Variants in TSHZ2 observed in about 807,000 individuals in gnomAD.
TSHZ2 encodes the protein teashirt zinc finger homeobox 2.
TSHZ2 carries 21 observed loss-of-function variants against 74.4 expected under a neutral mutation model. The ratio of observed to expected loss-of-function variants is 0.28; its 90% CI spans 0.20 to 0.41. The LOEUF is 0.41. TSHZ2 is among the 10% of genes least tolerant of loss of function. The probability of loss-of-function intolerance (pLI) is 1.00; values close to 1 mark genes in which losing one functional copy is unlikely to be tolerated. For synonymous variants in TSHZ2, 540 were observed against 515.3 expected, an observed-to-expected ratio of 1.05 and a Z score of -0.65; for missense variants, 1,244 against 1,293.5, an observed-to-expected ratio of 0.96 and a Z score of 0.59.
chr20:53,187,854 A>G (rs1366187397), intron 1 of TSHZ2, among the ~76,000 whole-genome samples: 1 of 152,176 alleles, frequency 6.6e-6, no homozygotes, highest in Admixed American at 6.5e-5. Context: ...AAATCAGTAA[A>G]GTGTGGCTGT....
intron 1 of TSHZ2, among the ~76,000 whole-genome samples, chr20:53,247,846 T>C (rs898711956): frequency 1.3e-5 from 2 of 152,226 alleles, no homozygotes; most frequent in Admixed American, 1.3e-4. Context: ...ATTGTTCTTA[T>C]GTTATGATTC....
Position 53,073,661 on chromosome 20 carries a change from G to A in TSHZ2, c.40+100328G>A, listed in dbSNP as rs370744036. Among the ~76,000 whole-genome samples the A allele has an allele frequency of 5.1e-4, 77 of 152,034 alleles. 1 individual carries two copies. The South Asian group carries it at 0.014, about 27-fold the overall frequency. On this transcript the variant is annotated intron_variant, in intron 1 of 2. Transcript: ENST00000371497. ...TTTTTTAAAAGGAAGGGGATGATAC[G>A]GGATGAGCTAATGGATGCTTTTCAA...
At chr20:53,472,341 G>A in intron 2 of TSHZ2, among the ~76,000 whole-genome samples, 1 of 152,174 alleles carries the variant, frequency 6.6e-6, no homozygotes, top group Admixed American at 6.5e-5. Context: ...GGGTCAGGGT[G>A]AGCCATTGGA....
chr20:53,370,402 A>T (rs982523481), intron 2 of TSHZ2, among the ~76,000 whole-genome samples: 14 of 152,188 alleles, frequency 9.2e-5, no homozygotes, highest in African/African-American at 2.9e-4. Context: ...TTTCAAAAAG[A>T]AACAGAAATC....
chr20:53,339,685 A>G (rs577069379), intron 2 of TSHZ2, among the ~76,000 whole-genome samples: 2 of 152,296 alleles, frequency 1.3e-5, no homozygotes, highest in East Asian at 3.9e-4. Flanking sequence ...TGGCCCTGGA[A>G]TGACCTTCAG....
chr20:53,388,641 G>A (rs375226170), intron 2 of TSHZ2, among the ~76,000 whole-genome samples: 4 of 144,248 alleles, frequency 2.8e-5, no homozygotes, highest in South Asian at 4.4e-4. Context: ...TTGCCCAGGC[G>A]ACCTTGGCTC....
intron 1 of TSHZ2, among the ~76,000 whole-genome samples, chr20:53,007,369 ATGTT>A (rs1395728921): frequency 1.3e-5 from 2 of 152,222 alleles, no homozygotes; most frequent in East Asian, 1.9e-4. Context: ...ACACATGAAA[ATGTT>A]TGGTCATTTT....
At chr20:53,017,082 T>A (rs1212491716) in intron 1 of TSHZ2, among the ~76,000 whole-genome samples, 1 of 152,206 alleles carries the variant, frequency 6.6e-6, no homozygotes, top group Non-Finnish European at 1.5e-5. Context: ...GTCATCATCA[T>A]ATTCCTTTCC....
chr20:53,379,768 T>A (rs1463536630), intron 2 of TSHZ2, among the ~76,000 whole-genome samples: 1 of 151,820 alleles, frequency 6.6e-6, no homozygotes, highest in Non-Finnish European at 1.5e-5. Flanking sequence ...CAAGAGTCTA[T>A]GGGAAAAAAA....
rs759525748 is a variant in TSHZ2 at position 53,253,618 on chromosome 20, C to T, written c.160C>T (p.Leu54=). The change falls in exon 2 of 3, where the codon CTA becomes TTA. Residue 54 remains leucine (L), a synonymous_variant. Transcript: ENST00000371497. ...CAATGACACAGGGACGGACGAGGAG[C>T]TAGAAACGGGCCCAGAGCAAAAAGG... The part of the protein sequence containing the change: ...GGNDTGTDEE[L]ETGPEQKGCF... The T allele has an allele frequency of 3.1e-6, 5 of 1,614,096 alleles. No individual in the cohort carries two copies. Among genetic ancestry groups the T allele is most frequent in the Non-Finnish European group, 4.2e-6 (5 of 1,180,014 alleles).
At chr20:53,183,764 A>G (rs997892216) in intron 1 of TSHZ2, among the ~76,000 whole-genome samples, 3 of 152,340 alleles carry the variant, frequency 2.0e-5, no homozygotes, top group Admixed American at 2.0e-4. Flanking sequence ...TCTTGAGGCA[A>G]CACAAAGTAT....
intron 1 of TSHZ2, among the ~76,000 whole-genome samples, chr20:53,242,607 C>T (rs568456436): frequency 6.6e-5 from 10 of 152,094 alleles, no homozygotes; most frequent in African/African-American, 2.4e-4. Flanking sequence ...GTACCTGATT[C>T]ATCTACTTCC....
chr20:53,193,178 AAAG>A (rs1371519749), intron 1 of TSHZ2, among the ~76,000 whole-genome samples: 5 of 58,834 alleles, frequency 8.5e-5, no homozygotes, highest in Non-Finnish European at 2.0e-4. Flanking sequence ...AAAAAAAAAA[AAAG>A]AAAAAAGAAA....
At chr20:53,303,861 C>G (rs2145486077) in intron 2 of TSHZ2, among the ~76,000 whole-genome samples, 1 of 152,180 alleles carries the variant, frequency 6.6e-6, no homozygotes, top group South Asian at 2.1e-4. Flanking sequence ...TTGTAAGTAC[C>G]CAATACACAT....
rs1986381983 is a variant in TSHZ2, at chr20:53,489,236, G to A, written c.*2101G>A. 1 of 454,896 alleles carries A rather than the reference G, an allele frequency of 2.2e-6. No individual in the cohort carries two copies. Among genetic ancestry groups the A allele is most frequent in the Non-Finnish European group, 4.4e-6 (1 of 226,104 alleles). 28.2% of individuals were successfully genotyped at this position (454,896 alleles called of 1,614,324 possible). A position where few individuals can be genotyped will look rare whatever the true frequency, so the allele number is the denominator to read the frequency against. Reference sequence around the variant, plus strand: ...GTGCTGATATTATTTTTTATGATGGGAGGATCATAAAGTGAATTGAGAACA... The same window carrying A: ...GTGCTGATATTATTTTTTATGATGGAAGGATCATAAAGTGAATTGAGAACA... On this transcript the variant is annotated 3_prime_UTR_variant, in exon 3 of 3. Transcript: ENST00000371497.
intron 2 of TSHZ2, among the ~76,000 whole-genome samples, chr20:53,315,630 C>T (rs1249321235): frequency 4.6e-5 from 7 of 152,094 alleles, no homozygotes; most frequent in Non-Finnish European, 1.0e-4. Flanking sequence ...TTTTTGTTTG[C>T]CCTGTTGTTC....
intron 1 of TSHZ2, among the ~76,000 whole-genome samples, chr20:52,998,649 A>G (rs1982294341): frequency 6.6e-6 from 1 of 152,112 alleles, no homozygotes; most frequent in African/African-American, 2.4e-5. Context: ...TTACAATTCT[A>G]TGATTCTTGG....
chr20:53,423,171 G>A (rs182119167), intron 2 of TSHZ2, among the ~76,000 whole-genome samples: 3 of 152,282 alleles, frequency 2.0e-5, no homozygotes, highest in African/African-American at 7.2e-5. Context: ...GGCTAAGGCA[G>A]GCGGATATCT....
chr20:53,143,809 G>A (rs1320839544), intron 1 of TSHZ2, among the ~76,000 whole-genome samples: 4 of 152,098 alleles, frequency 2.6e-5, no homozygotes, highest in Admixed American at 6.6e-5. Context: ...AGACACAGCC[G>A]ATTTATCAAG....
Sources: allele counts gnomAD v4.1 joint callset (sites outside exome capture counted in the v4.1 genomes callset), GRCh38; gene constraint gnomAD v4.1.1; transcripts MANE v1.5; gene names NCBI Gene and HGNC (gene_info 2026-07-23, HGNC 2026-07-21).